FSTL4: variants seen among roughly 807,000 people sequenced by gnomAD.
FSTL4 encodes follistatin-related protein 4.
FSTL4 carries 28 observed loss-of-function variants against 78.2 expected under a neutral mutation model. The observed-to-expected ratio is 0.36, with a 90% CI of 0.27 to 0.49. The LOEUF (loss-of-function observed/expected upper bound fraction) is 0.49. FSTL4 is among the 20% of genes least tolerant of loss of function. The pLI is 0.98. For missense variants in FSTL4, 922 were observed against 1,084.9 expected (o/e 0.85, Z 2.11); for synonymous variants, 422 against 440.5 (o/e 0.96, Z 0.53).
Position 133,236,942 on chromosome 5 carries a change from G to T in FSTL4, c.895-3405C>A, listed in dbSNP as rs1472645412. On this transcript the variant is annotated intron_variant, in intron 7 of 15. Coordinates refer to ENST00000265342, the MANE Select transcript of FSTL4 (RefSeq NM_015082.2). This position sits in a 1 kb window ranked among gnomAD's most constrained non-coding sequence, Gnocchi z 5.0. ...CAGAATGTGAGCTCTGCAGAGGAGG[G>T]CAGGGAGGCTTGTGCCCTGTGTGCC... is the stretch of plus-strand genomic sequence containing the variant. Among the ~76,000 whole-genome samples, 1 of 152,236 alleles carries T rather than the reference G, an allele frequency of 6.6e-6. No individual in the cohort carries two copies. The highest frequency in any genetic ancestry group is 1.9e-4 in the East Asian group (1 of 5,198).
At chr5:133,333,845 A>C (rs1204164389) in intron 4 of FSTL4, among the ~76,000 whole-genome samples, 2 of 152,256 alleles carry the variant, frequency 1.3e-5, no homozygotes, top group African/African-American at 2.4e-5. Context: ...TCTATGTTGC[A>C]GGATGTTCTT....
At chr5:133,268,146 A>T (rs1250489454) in intron 6 of FSTL4, among the ~76,000 whole-genome samples, 1 of 152,250 alleles carries the variant, frequency 6.6e-6, no homozygotes, top group Non-Finnish European at 1.5e-5. Context: ...AGCCAGAGAC[A>T]TCAGGTAATC....
At chr5:133,779,204 C>G in the FSTL4 span, among the ~76,000 whole-genome samples, 1 of 152,186 alleles carries the variant, frequency 6.6e-6, no homozygotes, top group Non-Finnish European at 1.5e-5. Flanking sequence ...CCCATCCTCT[C>G]TGCTGGGTGA....
chr5:133,779,144 C>G, the FSTL4 span, among the ~76,000 whole-genome samples: 1 of 152,268 alleles, frequency 6.6e-6, no homozygotes, highest in Non-Finnish European at 1.5e-5. Flanking sequence ...TCTACCAATC[C>G]TCCAGAACAA....
chr5:133,679,667 C>A, the FSTL4 span, among the ~76,000 whole-genome samples: 6 of 152,242 alleles, frequency 3.9e-5, no homozygotes, highest in Admixed American at 2.6e-4. Context: ...TGCAAACAGG[C>A]CACAGCCAGT....
chr5:133,688,036 T>C, the FSTL4 span, among the ~76,000 whole-genome samples: 109 of 152,362 alleles, frequency 7.2e-4, no homozygotes, highest in African/African-American at 2.5e-3. Context: ...CTCACATCAC[T>C]GTGCTCAGCT....
intron 3 of FSTL4, among the ~76,000 whole-genome samples, chr5:133,407,450 G>T (rs1580689007): frequency 6.6e-6 from 1 of 152,346 alleles, no homozygotes; most frequent in Middle Eastern, 3.4e-3. Context: ...GATGAAAGCA[G>T]TTTGACCAGT....
Position 133,210,227 on chromosome 5 carries a change from G to A in FSTL4, c.1680C>T (p.Ser560=), listed in dbSNP as rs1750661458. 1 of 1,612,228 alleles carries A rather than the reference G, an allele frequency of 6.2e-7. No individual in the cohort carries two copies. The highest frequency in any genetic ancestry group is 1.1e-5 in the South Asian group (1 of 91,046). The change falls in exon 14 of 16, where the codon AGC becomes AGT. Residue 560 remains serine (S), a synonymous_variant. Coordinates refer to ENST00000265342, the MANE Select transcript of FSTL4 (RefSeq NM_015082.2). ...DKSHDQVWVL[S]WGDVHKSRPS... is the part of the protein sequence containing the mutation. ...GTCGGGACTTGTGCACGTCCCCCCA[G>A]CTCAGGACCCACACTTGGTCATGTG...
chr5:133,772,587 AG>A, the FSTL4 span, among the ~76,000 whole-genome samples: 3 of 152,318 alleles, frequency 2.0e-5, no homozygotes, highest in East Asian at 5.8e-4. Context: ...TTCAAGTTCA[AG>A]GGGCCATACC....
At chr5:133,632,345 C>T in the FSTL4 span, among the ~76,000 whole-genome samples, 1 of 152,118 alleles carries the variant, frequency 6.6e-6, no homozygotes, top group African/African-American at 2.4e-5. Context: ...AAATATCAAA[C>T]ATAATTTAGA....
At chr5:133,786,611 C>T in the FSTL4 span, among the ~76,000 whole-genome samples, 1 of 152,156 alleles carries the variant, frequency 6.6e-6, no homozygotes, top group Non-Finnish European at 1.5e-5. Context: ...GGGAAACACA[C>T]CCAGGGGAGA....
At chr5:133,436,632 T>C (rs1175117261) in intron 3 of FSTL4, among the ~76,000 whole-genome samples, 1 of 152,204 alleles carries the variant, frequency 6.6e-6, no homozygotes, top group African/African-American at 2.4e-5. Context: ...TTCCCGACTC[T>C]GTGTTCCATG....
intron 4 of FSTL4, among the ~76,000 whole-genome samples, chr5:133,322,481 A>G (rs535242347): frequency 2.0e-5 from 3 of 152,340 alleles, no homozygotes; most frequent in South Asian, 4.1e-4. Context: ...GATGATCCCA[A>G]GAAGTGCTGG....
chr5:133,458,973 C>T (rs2112836122), intron 3 of FSTL4, among the ~76,000 whole-genome samples: 2 of 152,172 alleles, frequency 1.3e-5, no homozygotes, highest in East Asian at 3.9e-4. Context: ...CACCCCAGCT[C>T]CCATGGCCTC....
Position 133,567,323 on chromosome 5 carries a change from A to G in FSTL4, c.127-104T>C, listed in dbSNP as rs183253923. 2.3e-4 allele frequency: 196 copies of G among 849,208 alleles called. 1 individual carries two copies. The African/African-American group carries it at 3.0e-3, about 13-fold the overall frequency. The allele number at this position is 849,208 out of a possible 1,614,324, so 52.6% of individuals were successfully genotyped here. A position where few individuals can be genotyped will look rare whatever the true frequency, so the allele number is the denominator to read the frequency against. ...TAGTCACACATTTATGAAAAGGTGA[A>G]CAATCTACGAAGAACATGACACTGA... On this transcript the variant is annotated intron_variant, in intron 2 of 15. Transcript: ENST00000265342.
At chr5:133,796,594 C>T in the FSTL4 span, among the ~76,000 whole-genome samples, 4 of 152,092 alleles carry the variant, frequency 2.6e-5, no homozygotes, top group Non-Finnish European at 5.9e-5. Flanking sequence ...CCCTCTCCGA[C>T]CACCCCCAAC....
the FSTL4 span, among the ~76,000 whole-genome samples, chr5:133,756,020 C>A: frequency 9.9e-5 from 15 of 152,172 alleles, no homozygotes; most frequent in Admixed American, 9.8e-4. Context: ...AAACTTCTTG[C>A]CTTCACAGAG....
intron 3 of FSTL4, among the ~76,000 whole-genome samples, chr5:133,434,377 T>C (rs1756999927): frequency 6.6e-6 from 1 of 152,234 alleles, no homozygotes; most frequent in Non-Finnish European, 1.5e-5. Context: ...CTTTATAAAA[T>C]TGGAATCTGG....
At chr5:133,499,602 A>T (rs1758446935) in intron 3 of FSTL4, among the ~76,000 whole-genome samples, 1 of 152,142 alleles carries the variant, frequency 6.6e-6, no homozygotes, top group South Asian at 2.1e-4. Context: ...TAACAGTGAC[A>T]ACTCATATTT....
Sources: gnomAD v4.1 joint callset for allele counts (sites outside exome capture counted in the v4.1 genomes callset) on GRCh38, gnomAD v4.1.1 for gene constraint, Gnocchi (gnomAD v3.1) non-coding constraint, MANE v1.5 for transcripts, NCBI Gene and HGNC (gene_info 2026-07-23, HGNC 2026-07-21) for gene names.